Variants in UNC13B observed in about 807,000 individuals in gnomAD.
UNC13B encodes unc-13 homolog B, also known as protein unc-13 homolog B.
A neutral mutation model predicts 211.0 loss-of-function variants in UNC13B; 144 were observed. That is an observed-to-expected ratio of 0.68 (90% CI 0.60 to 0.78). The LOEUF is 0.78. Ranked by LOEUF, UNC13B falls within the 30% of genes least tolerant of loss-of-function variation. The pLI is 0.00. For synonymous variants in UNC13B, 709 were observed against 725.8 expected (o/e 0.98, Z 0.37); for missense variants, 1,777 against 2,002.0 (o/e 0.89, Z 2.14).
intron 12 of UNC13B, among the ~76,000 whole-genome samples, chr9:35,367,289 A>C (rs1833834069): frequency 6.6e-6 from 1 of 152,088 alleles, no homozygotes; most frequent in Non-Finnish European, 1.5e-5. Flanking sequence ...GTGGTGAAAT[A>C]CTCTTTAAGT....
At chr9:35,242,026 T>G (rs1825839835) in intron 5 of UNC13B, among the ~76,000 whole-genome samples, 1 of 152,210 alleles carries the variant, frequency 6.6e-6, no homozygotes, top group Non-Finnish European at 1.5e-5. Flanking sequence ...CTGAAGTTGA[T>G]ATGATCCATA....
chr9:35,322,210 G>T (rs1379267030), intron 11 of UNC13B, among the ~76,000 whole-genome samples: 1 of 152,170 alleles, frequency 6.6e-6, no homozygotes, highest in Non-Finnish European at 1.5e-5. Context: ...TGATGACATT[G>T]CTATTGCTGA....
intron 11 of UNC13B, among the ~76,000 whole-genome samples, chr9:35,328,567 CAG>C (rs1340556068): frequency 6.6e-6 from 1 of 152,008 alleles, no homozygotes; most frequent in African/African-American, 2.4e-5. Flanking sequence ...AGGAAAAAAC[CAG>C]AGTGCCTGGC....
At chr9:35,176,235 G>A (rs904927878) in intron 1 of UNC13B, among the ~76,000 whole-genome samples, 1 of 151,792 alleles carries the variant, frequency 6.6e-6, no homozygotes, top group Non-Finnish European at 1.5e-5. Context: ...AGTGCAAAGG[G>A]TTCATTCATT....
intron 11 of UNC13B, among the ~76,000 whole-genome samples, chr9:35,349,745 A>C (rs1832597330): frequency 6.6e-6 from 1 of 152,230 alleles, no homozygotes; most frequent in African/African-American, 2.4e-5. Context: ...AAAAAGAATC[A>C]GCTTCATCTT....
chr9:35,368,050 T>A (rs1387409762), intron 12 of UNC13B, among the ~76,000 whole-genome samples: 2 of 152,202 alleles, frequency 1.3e-5, no homozygotes, highest in Non-Finnish European at 2.9e-5. Context: ...CAATTTGTCA[T>A]CTTTAAAAAA....
rs768508005 is a variant in UNC13B at position 35,381,639 on chromosome 9, G to T, written c.10575G>T (p.Val3525=). ...PEARGDDAWK[V]YFDETAQEIV... ...CTCGAGGAGACGATGCCTGGAAGGT[G>T]TACTTTGATGAGACAGCCCAAGAAA... is the stretch of plus-strand genomic sequence containing the variant. Residue 3525 remains valine (V), a synonymous_variant, in exon 20 of 40, where the codon GTG becomes GTT. Transcript: ENST00000635942. 1.2e-6 allele frequency: 2 copies of T among 1,614,230 alleles called. No homozygotes were observed.
chr9:35,390,177 A>G (rs1350571799), intron 25 of UNC13B, among the ~76,000 whole-genome samples: 1 of 152,112 alleles, frequency 6.6e-6, no homozygotes, highest in East Asian at 1.9e-4. Context: ...GGCCAGATTG[A>G]GCCAGCTTCC....
intron 6 of UNC13B, 87 bp from the exon 7 acceptor site, chr9:35,258,906 T>G: frequency 7.2e-7 from 1 of 1,384,834 alleles, no homozygotes; most frequent in Non-Finnish European, 9.9e-7. Flanking sequence ...CACTAAACCT[T>G]TTTATAGGTA....
chr9:35,350,652 C>T (rs1230618541), intron 11 of UNC13B, among the ~76,000 whole-genome samples: 1 of 152,184 alleles, frequency 6.6e-6, no homozygotes. Context: ...ATGCCACCTA[C>T]GTCTGGACAG....
intron 11 of UNC13B, among the ~76,000 whole-genome samples, chr9:35,317,727 G>A (rs1468038798): frequency 1.3e-5 from 2 of 148,336 alleles, no homozygotes; most frequent in African/African-American, 5.0e-5. Flanking sequence ...AGTAGAGATG[G>A]GGTTTTACCA....
chr9:35,318,178 A>G (rs1830561515), intron 11 of UNC13B, among the ~76,000 whole-genome samples: 1 of 152,220 alleles, frequency 6.6e-6, no homozygotes. Context: ...GAACAATAGT[A>G]AAGATATTCT....
chr9:35,367,067 A>G, intron 12 of UNC13B, 74 bp downstream of exon 12: 1 of 1,439,002 alleles, frequency 6.9e-7, no homozygotes, highest in South Asian at 1.1e-5. Flanking sequence ...TCCCCTGGGA[A>G]GCAGGGGAAC....
At chr9:35,163,878 T>C (rs1435165444) in intron 1 of UNC13B, among the ~76,000 whole-genome samples, 1 of 152,210 alleles carries the variant, frequency 6.6e-6, no homozygotes, top group Admixed American at 6.5e-5. Flanking sequence ...CAGCAGGCCA[T>C]TGTCTTTTTG....
intron 6 of UNC13B, among the ~76,000 whole-genome samples, chr9:35,247,837 A>C (rs962781805): frequency 6.6e-6 from 1 of 152,152 alleles, no homozygotes; most frequent in African/African-American, 2.4e-5. Context: ...TGTCTCTGCC[A>C]GGCTTTGGTA....
intron 11 of UNC13B, among the ~76,000 whole-genome samples, chr9:35,336,648 G>A (rs1831676743): frequency 6.6e-6 from 1 of 152,004 alleles, no homozygotes; most frequent in Non-Finnish European, 1.5e-5. Context: ...CTGGTGGAAG[G>A]GGCAAAAGAA....
chr9:35,250,636 T>C (rs529489546), intron 6 of UNC13B, among the ~76,000 whole-genome samples: 13 of 152,292 alleles, frequency 8.5e-5, no homozygotes, highest in African/African-American at 3.1e-4. Context: ...ATATACAAAA[T>C]GTTGTGTGGA....
chr9:35,383,365 C>A (rs2132268641), intron 21 of UNC13B, among the ~76,000 whole-genome samples: 1 of 152,270 alleles, frequency 6.6e-6, no homozygotes, highest in East Asian at 1.9e-4. Flanking sequence ...ATAATTCTGA[C>A]CCAACACAAA....
chr9:35,389,333 T>C (rs1029359864), intron 24 of UNC13B, among the ~76,000 whole-genome samples: 1 of 152,178 alleles, frequency 6.6e-6, no homozygotes, highest in African/African-American at 2.4e-5. Context: ...GAAGTCCTAC[T>C]CCACTGAAAG....
Sources: gnomAD v4.1 joint callset for allele counts (sites outside exome capture counted in the v4.1 genomes callset) on GRCh38, gnomAD v4.1.1 for gene constraint, MANE v1.5 for transcripts, NCBI Gene and HGNC (gene_info 2026-07-23, HGNC 2026-07-21) for gene names.